SLC66A3: variants seen among roughly 807,000 people sequenced by gnomAD.
SLC66A3 encodes solute carrier family 66 member 3.
In SLC66A3, 23 loss-of-function variants were observed where a neutral mutation model predicts 25.5. That is an observed-to-expected ratio of 0.90 (90% CI 0.65 to 1.28). SLC66A3 has a LOEUF of 1.28. Among genes scored for constraint, SLC66A3 ranks in the 50% most tolerant of loss-of-function variants. SLC66A3 has a pLI of 0.00. For synonymous variants in SLC66A3, 108 were observed against 112.6 expected, an observed-to-expected ratio of 0.96 and a Z score of 0.26; for missense variants, 246 against 262.1, an observed-to-expected ratio of 0.94 and a Z score of 0.42.
chr2:11,164,587 G>T (rs534370831), intron 4 of SLC66A3, among the ~76,000 whole-genome samples: 119 of 150,784 alleles, frequency 7.9e-4, no homozygotes, highest in South Asian at 4.2e-3. Flanking sequence ...TCTTGCAGAG[G>T]GGGATTTGGC....
At chr2:11,155,726 C>A in intron 1 of SLC66A3, 37 bp downstream of exon 1, 1 of 1,330,952 alleles carries the variant, frequency 7.5e-7, no homozygotes, top group South Asian at 1.9e-5. Flanking sequence ...CTCCTGCCCC[C>A]TCGCAGCTGC....
At chr2:11,174,848 A>G (rs1044457998) in intron 5 of SLC66A3, 120 bp from the exon 6 acceptor site, 5 of 570,894 alleles carry the variant, frequency 8.8e-6, no homozygotes, top group Non-Finnish European at 1.5e-5. Flanking sequence ...AAAAAGAATA[A>G]AAATAATTTA....
intron 6 of SLC66A3, among the ~76,000 whole-genome samples, chr2:11,175,803 T>C (rs1233524126): frequency 2.6e-5 from 4 of 152,194 alleles, no homozygotes; most frequent in Non-Finnish European, 5.9e-5. Flanking sequence ...CTTTGGAAAA[T>C]GATTAGAACA....
chr2:11,177,717 C>A lies in SLC66A3; in HGVS notation c.518-20C>A. The stretch of plus-strand genomic sequence containing the variant: ...TGTATTGTAAAGACAGTTTTTAATA[C>A]ACTTTTTTTTTTATTTCAGTTCTTC... On this transcript the variant is annotated intron_variant, in intron 6 of 6. Coordinates refer to ENST00000295083, the MANE Select transcript of SLC66A3 (RefSeq NM_152391.5). 6.6e-7 allele frequency: 1 copy of A among 1,513,200 alleles called. No homozygotes were observed. The allele number at this position is 1,513,200 out of a possible 1,614,324, so 93.7% of individuals were successfully genotyped here.
chr2:11,176,252 G>T (rs940822443), intron 6 of SLC66A3, among the ~76,000 whole-genome samples: 19 of 152,234 alleles, frequency 1.2e-4, no homozygotes, highest in Non-Finnish European at 2.4e-4. Flanking sequence ...TTCTCACTCT[G>T]TCGCCCAGGC....
At chr2:11,162,023 A>C (rs892983394) in intron 3 of SLC66A3, among the ~76,000 whole-genome samples, 1 of 152,218 alleles carries the variant, frequency 6.6e-6, no homozygotes, top group Non-Finnish European at 1.5e-5. Flanking sequence ...CCCTGCCACC[A>C]CAGGGGTGGC....
At chr2:11,174,058 G>A (rs1413142188) in intron 5 of SLC66A3, among the ~76,000 whole-genome samples, 2 of 152,078 alleles carry the variant, frequency 1.3e-5, no homozygotes, top group Admixed American at 6.6e-5. Context: ...GGTTTCAAGC[G>A]ATTCTCCTGC....
At chr2:11,166,897 A>C (rs1572186725) in intron 4 of SLC66A3, among the ~76,000 whole-genome samples, 1 of 152,188 alleles carries the variant, frequency 6.6e-6, no homozygotes, top group Non-Finnish European at 1.5e-5. Context: ...TGCATCTCAA[A>C]AAACAAACAA....
At chr2:11,168,965 C>A (rs1206461923) in intron 4 of SLC66A3, among the ~76,000 whole-genome samples, 3 of 151,892 alleles carry the variant, frequency 2.0e-5, no homozygotes, top group Admixed American at 6.6e-5. Flanking sequence ...TCAAATGATT[C>A]TTGTGCCTGA....
chr2:11,177,932 T>A lies in SLC66A3; in HGVS notation c.*104T>A. The A allele has an allele frequency of 1.4e-6, 1 of 719,790 alleles. No individual in the cohort carries two copies. Among genetic ancestry groups the A allele is most frequent in the South Asian group, 1.8e-5 (1 of 55,694 alleles). 44.6% of individuals were successfully genotyped at this position (719,790 alleles called of 1,614,324 possible). A position where few individuals can be genotyped will look rare whatever the true frequency, so the allele number is the denominator to read the frequency against. On this transcript the variant is annotated 3_prime_UTR_variant, in exon 7 of 7. Transcript: ENST00000295083. Reference sequence around the variant, plus strand: ...CTTTTATAAATTTAGTAAATCAGTTTATAATCTTTAAAGCCAAAGGTTTTT... The same window carrying A: ...CTTTTATAAATTTAGTAAATCAGTTAATAATCTTTAAAGCCAAAGGTTTTT...
intron 6 of SLC66A3, among the ~76,000 whole-genome samples, chr2:11,175,669 T>G (rs1369707488): frequency 1.3e-5 from 2 of 152,176 alleles, no homozygotes; most frequent in Non-Finnish European, 2.9e-5. Context: ...ATGGACTATG[T>G]TTTTGTTCTG....
chr2:11,168,057 GATC>G (rs1224690578), intron 4 of SLC66A3, among the ~76,000 whole-genome samples: 6 of 152,136 alleles, frequency 3.9e-5, no homozygotes, highest in African/African-American at 1.4e-4. Flanking sequence ...GAGACGGGCG[GATC>G]ACAAGGTCAG....
At chr2:11,171,789 C>G (rs571894510) in intron 4 of SLC66A3, 136 bp from the exon 5 acceptor site, 9 of 782,824 alleles carry the variant, frequency 1.1e-5, no homozygotes, top group Non-Finnish European at 1.8e-5. Flanking sequence ...AGGATGGTCT[C>G]GATCTCCTGA....
At chr2:11,169,595 TTCC>T (rs1662471999) in intron 4 of SLC66A3, among the ~76,000 whole-genome samples, 1 of 152,086 alleles carries the variant, frequency 6.6e-6, no homozygotes, top group Non-Finnish European at 1.5e-5. Flanking sequence ...TCCTTGCTGG[TTCC>T]TCCTCAGCTC....
chr2:11,176,971 A>T (rs180837740), intron 6 of SLC66A3, among the ~76,000 whole-genome samples: 22 of 152,220 alleles, frequency 1.4e-4, no homozygotes, highest in Admixed American at 3.3e-4. Flanking sequence ...AAAGTTATAT[A>T]TATTTATTTA....
chr2:11,170,115 C>T (rs1405755891), intron 4 of SLC66A3, among the ~76,000 whole-genome samples: 1 of 152,134 alleles, frequency 6.6e-6, no homozygotes, highest in South Asian at 2.1e-4. Context: ...GGGATTACGG[C>T]GTCAGCCACT....
rs16857244 is a variant in SLC66A3, at chr2:11,171,892, C to T, written c.355-33C>T. The T allele has an allele frequency of 1.9e-3, 3,015 of 1,612,118 alleles. 33 individuals are homozygous for T. In the African/African-American group the frequency reaches 0.03, roughly 16 times the overall value. ...CTCTTTTGCTTTTTTAACAAATCGA[C>T]TCGTGACTTTCTCACATTTTATCTG... On this transcript the variant is annotated intron_variant, in intron 4 of 6. Transcript: ENST00000295083.
intron 5 of SLC66A3, among the ~76,000 whole-genome samples, chr2:11,173,992 T>C (rs896513272): frequency 2.0e-5 from 3 of 152,216 alleles, no homozygotes; most frequent in Non-Finnish European, 2.9e-5. Flanking sequence ...TTTCGCTCTT[T>C]CGCTTAGGCT....
intron 4 of SLC66A3, among the ~76,000 whole-genome samples, chr2:11,165,457 G>A (rs1461133093): frequency 3.4e-5 from 5 of 149,106 alleles, no homozygotes; most frequent in South Asian, 2.2e-4. Flanking sequence ...CATCCCAGAC[G>A]GGGCGACGGG....
Sources: allele counts gnomAD v4.1 joint callset (sites outside exome capture counted in the v4.1 genomes callset), GRCh38; gene constraint gnomAD v4.1.1; transcripts MANE v1.5; gene names NCBI Gene and HGNC (gene_info 2026-07-23, HGNC 2026-07-21).